Variants in NLRP9 observed in about 807,000 individuals in gnomAD.
NLRP9 encodes NLR family pyrin domain containing 9.
A neutral mutation model predicts 83.1 loss-of-function variants in NLRP9; 88 were observed. That is an observed-to-expected ratio of 1.06 (90% CI 0.89 to 1.26). The LOEUF (loss-of-function observed/expected upper bound fraction) is 1.26. Among genes scored for constraint, NLRP9 ranks in the 50% most tolerant of loss-of-function variants. The pLI is 0.00. For missense variants in NLRP9, 1,308 were observed against 1,179.3 expected, an observed-to-expected ratio of 1.11 and a Z score of -1.60; for synonymous variants, 521 against 447.6, an observed-to-expected ratio of 1.16 and a Z score of -2.07.
intron 3 of NLRP9, among the ~76,000 whole-genome samples, 169 bp from the exon 4 acceptor site, chr19:55,724,313 A>G (rs560159634): frequency 2.6e-5 from 4 of 152,058 alleles, no homozygotes; most frequent in African/African-American, 9.7e-5. Flanking sequence ...TTTAGACACC[A>G]GACAGCACAG....
chr19:55,731,578 G>A (rs1290616534), intron 2 of NLRP9, among the ~76,000 whole-genome samples: 1 of 151,806 alleles, frequency 6.6e-6, no homozygotes, highest in Non-Finnish European at 1.5e-5. Context: ...ACAAAAATTA[G>A]CCGGGCGTGG....
intron 1 of NLRP9, among the ~76,000 whole-genome samples, chr19:55,735,396 T>C (rs905483154): frequency 2.0e-5 from 3 of 152,166 alleles, no homozygotes; most frequent in Non-Finnish European, 2.9e-5. Flanking sequence ...AAGACGAGCT[T>C]GGCCAACATA....
chr19:55,712,266 G>C (rs1222779456), intron 7 of NLRP9, among the ~76,000 whole-genome samples, 154 bp downstream of exon 7: 1 of 152,170 alleles, frequency 6.6e-6, no homozygotes, highest in African/African-American at 2.4e-5. Context: ...AGAGTACCAA[G>C]ACTGAGCAAA....
rs1369426839 is a variant in NLRP9, at chr19:55,738,298, A to C, written c.77T>G (p.Phe26Cys). The C allele has an allele frequency of 2.5e-6, 4 of 1,613,980 alleles. No homozygotes were observed. Among genetic ancestry groups the C allele is most frequent in the Non-Finnish European group, 3.4e-6 (4 of 1,180,020 alleles). Residue 26 changes from phenylalanine to cysteine, a missense_variant, in exon 1 of 9, where the codon TTT becomes TGT. By Grantham distance (205) the Phe-to-Cys change is radical. Transcript: ENST00000332836. ...CAAAGGTTGTTTGAGGAGCTCCTTA[A>C]ATTTCCAAAACTCTTCCTTTCTGAG... Reference protein sequence around the residue: ...KELRKEEFWKFKELLKQPLEK... With the variant: ...KELRKEEFWKCKELLKQPLEK...
intron 1 of NLRP9, among the ~76,000 whole-genome samples, chr19:55,734,569 A>G (rs1029986096): frequency 8.1e-5 from 12 of 148,754 alleles, no homozygotes; most frequent in Admixed American, 3.4e-4. Context: ...ACATATATAC[A>G]CACATATACA....
At chr19:55,730,938 A>G (rs935776965) in intron 2 of NLRP9, among the ~76,000 whole-genome samples, 1 of 152,152 alleles carries the variant, frequency 6.6e-6, no homozygotes, top group Non-Finnish European at 1.5e-5. Flanking sequence ...AAAAAAAAAG[A>G]AAGTGGATCC....
Position 55,714,081 on chromosome 19 carries a change from A to G in NLRP9, c.2501+974T>C, listed in dbSNP as rs569823871. On this transcript the variant is annotated intron_variant, in intron 6 of 8. Transcript: ENST00000332836. ...GTGTGTGTATCTGACACTCCATCAG[A>G]TGGAAGTCCATGGGAACAGGGATGT... 3.4e-3 allele frequency among the ~76,000 whole-genome samples: 518 copies of G among 151,134 alleles called. 3 individuals carry two copies. Among genetic ancestry groups the G allele is most frequent in the Non-Finnish European group, 4.7e-3 (316 of 67,800 alleles).
chr19:55,733,641 T>C, intron 1 of NLRP9, 91 bp from the exon 2 acceptor site: 1 of 795,154 alleles, frequency 1.3e-6, no homozygotes, highest in Non-Finnish European at 2.0e-6. Flanking sequence ...AAAATTCTAA[T>C]ACTCGCCAGC....
chr19:55,715,908 T>C (rs1324325831), intron 5 of NLRP9, among the ~76,000 whole-genome samples: 2 of 152,214 alleles, frequency 1.3e-5, no homozygotes, highest in Admixed American at 6.5e-5. Flanking sequence ...TTTTGTTTTG[T>C]TGTTTAATAC....
At chr19:55,729,248 T>A (rs1309468021) in intron 3 of NLRP9, among the ~76,000 whole-genome samples, 3 of 148,448 alleles carry the variant, frequency 2.0e-5, no homozygotes, top group Admixed American at 1.3e-4. Context: ...TTTTTTTTTT[T>A]ATTATACTTT....
In NLRP9 at chr19:55,712,554, C is replaced by T. The variant is rs1391038482; in HGVS notation, c.2538G>A (p.Lys846=). 2 of 1,612,530 alleles carry T rather than the reference C, an allele frequency of 1.2e-6. No homozygotes were observed. The highest frequency in any genetic ancestry group is 1.1e-5 in the South Asian group (1 of 91,056). The change falls in exon 7 of 9, where the codon AAG becomes AAA. Residue 846 remains lysine, a synonymous_variant. Coordinates refer to ENST00000332836, the MANE Select transcript of NLRP9 (RefSeq NM_176820.4). ...MGCFLTSDSC[K]DIAAVLICNG... is the part of the protein sequence containing the mutation. ...TGCAAATAAGAACAGCAGCAATGTC[C>T]TTACAGGAATCGGAAGTAAGGAAAC...
At position 55,732,664 on chromosome 19, in the gene NLRP9, T is replaced by C. The variant is rs549036723; in HGVS notation, c.1167A>G (p.Arg389=). 5.6e-6 allele frequency: 9 copies of C among 1,614,226 alleles called. No individual in the cohort carries two copies. In the African/African-American group the frequency reaches 1.1e-4, roughly 19 times the overall value. ...GSQSFPPKVN[R]ARLKSLCALA... is the part of the protein sequence containing the mutation. The stretch of plus-strand genomic sequence containing the variant: ...AAGCACACAGGCTTTTTAGTCGGGC[T>C]CTGTTCACCTTAGGTGGAAAACTCT... The change falls in exon 2 of 9, where the codon AGA becomes AGG. Residue 389 remains arginine (R), a synonymous_variant. Transcript: ENST00000332836.
rs1568603248 is a variant in NLRP9, at chr19:55,732,038, A to G, written c.1793T>C (p.Val598Ala). The G allele has an allele frequency of 6.3e-7, 1 of 1,591,136 alleles. No homozygotes were observed. Among genetic ancestry groups the G allele is most frequent in the Non-Finnish European group, 8.5e-7 (1 of 1,171,208 alleles). ...TGAGTCATCTGGAAAGATATTCTCC[A>G]CACACATGCGAAGTGTCGTTAAATG... ...CQHLTTLRMC[V>A]ENIFPDDSGC... The change falls in exon 2 of 9, where the codon GTG (valine) becomes GCG (alanine). Residue 598 changes from valine (V) to alanine (A), a missense_variant. Coordinates refer to ENST00000332836, the MANE Select transcript of NLRP9 (RefSeq NM_176820.4).
intron 3 of NLRP9, 56 bp downstream of exon 3, chr19:55,729,775 G>A (rs558857388): frequency 1.4e-5 from 20 of 1,470,878 alleles, no homozygotes; most frequent in African/African-American, 2.8e-5. Flanking sequence ...AAAGGCCACA[G>A]TAGAGAGAAG....
Position 55,712,601 on chromosome 19 carries a change from G to A in NLRP9, c.2502-11C>T, listed in dbSNP as rs754410808. 1.2e-6 allele frequency: 2 copies of A among 1,610,446 alleles called. No individual in the cohort carries two copies. Among genetic ancestry groups the A allele is most frequent in the African/African-American group, 1.3e-5 (1 of 74,522 alleles). ...AAACAGCCCATCAACCTGGGGAGGT[G>A]GAAGACACACAAATACGTACACTTA... On this transcript the variant is annotated splice_polypyrimidine_tract_variant and intron_variant, in intron 6 of 8. Transcript: ENST00000332836.
At chr19:55,715,025 G>A (rs377160347) in intron 6 of NLRP9, 30 bp downstream of exon 6, 2 of 1,577,522 alleles carry the variant, frequency 1.3e-6, no homozygotes, top group Non-Finnish European at 1.7e-6. Context: ...AAGAAACCCT[G>A]ACATTGAAGC....
chr19:55,715,116 T>TTG lies in NLRP9; in HGVS notation c.2439_2440insCA (p.Asn814GlnfsTer11). 1.9e-6 allele frequency: 3 copies of TTG among 1,613,120 alleles called. No homozygotes were observed. Among genetic ancestry groups the TTG allele is most frequent in the Non-Finnish European group, 2.5e-6 (3 of 1,179,868 alleles). ...GCTGCACACAGAGATGCCACTCCAT[T>TTG]ATCTTCCAGGGCATTTGAGCCCAGA... On this transcript the variant is annotated frameshift_variant, in exon 6 of 9. Transcript: ENST00000332836. LOFTEE classifies it high-confidence loss of function.
chr19:55,736,883 G>T (rs749617615), intron 1 of NLRP9, among the ~76,000 whole-genome samples: 10 of 150,926 alleles, frequency 6.6e-5, no homozygotes, highest in Non-Finnish European at 1.0e-4. Context: ...AACACAGCAA[G>T]CAACTCCAAA....
chr19:55,730,268 A>G (rs1988534625), intron 2 of NLRP9, among the ~76,000 whole-genome samples: 1 of 152,186 alleles, frequency 6.6e-6, no homozygotes, highest in African/African-American at 2.4e-5. Context: ...GGCCTGGGCA[A>G]CATAGCAAGA....
Sources: gnomAD v4.1 joint callset for allele counts (sites outside exome capture counted in the v4.1 genomes callset) on GRCh38, gnomAD v4.1.1 for gene constraint, MANE v1.5 for transcripts, NCBI Gene and HGNC (gene_info 2026-07-23, HGNC 2026-07-21) for gene names.